The following VWA8 variants were observed in gnomAD, a reference collection of about 807,000 sequenced individuals.
VWA8 encodes von Willebrand factor A domain-containing protein 8.
Under a neutral mutation model 241.5 loss-of-function variants are expected in VWA8, and 221 were observed. The ratio of observed to expected loss-of-function variants is 0.91; its 90% CI spans 0.82 to 1.02. The LOEUF is 1.02. Ranked by LOEUF, VWA8 falls within the 50% of genes least tolerant of loss-of-function variation. The pLI, the probability that VWA8 is intolerant of heterozygous loss-of-function variation, is 0.00. For synonymous variants in VWA8, 852 were observed against 827.1 expected, an observed-to-expected ratio of 1.03 and a Z score of -0.52; for missense variants, 2,322 against 2,328.7, an observed-to-expected ratio of 1.00 and a Z score of 0.06.
intron 18 of VWA8, among the ~76,000 whole-genome samples, chr13:41,784,697 C>CATATATATAT (rs59582293): frequency 0.022 from 1,225 of 56,774 alleles, 27 homozygotes; most frequent in East Asian, 0.036. Context: ...TATACATATA[C>CATATATATAT]ATATATATAT....
At chr13:41,846,749 T>C (rs1369587863) in intron 12 of VWA8, among the ~76,000 whole-genome samples, 1 of 152,126 alleles carries the variant, frequency 6.6e-6, no homozygotes, top group Admixed American at 6.5e-5. Context: ...TAATCTAAAA[T>C]TTTCAGGCTA....
intron 2 of VWA8, among the ~76,000 whole-genome samples, chr13:41,915,123 T>A (rs561942532): frequency 6.6e-6 from 1 of 152,354 alleles, no homozygotes; most frequent in Admixed American, 6.5e-5. Context: ...ATTGAGGTTA[T>A]AGCCATAATA....
intron 21 of VWA8, among the ~76,000 whole-genome samples, chr13:41,741,230 C>G (rs144301024): frequency 6.6e-6 from 1 of 152,136 alleles, no homozygotes; most frequent in African/African-American, 2.4e-5. Flanking sequence ...GTAACCAGCA[C>G]GTAGTAGGAG....
At chr13:41,860,564 T>C (rs548049947) in intron 12 of VWA8, among the ~76,000 whole-genome samples, 1 of 152,354 alleles carries the variant, frequency 6.6e-6, no homozygotes, top group South Asian at 2.1e-4. Flanking sequence ...CCCACCCTTA[T>C]TCATCCATGC....
chr13:41,696,190 T>C (rs1043005035), intron 29 of VWA8: 4 of 152,188 alleles, frequency 2.6e-5, no homozygotes, highest in African/African-American at 9.6e-5. Flanking sequence ...AAACAATATC[T>C]GGATGTTTAT....
chr13:41,872,842 A>G (rs1172366537), intron 9 of VWA8, among the ~76,000 whole-genome samples: 2 of 152,152 alleles, frequency 1.3e-5, no homozygotes, highest in African/African-American at 4.8e-5. Context: ...AATTCTGTGA[A>G]GAAAGTCATT....
Position 41,749,366 on chromosome 13 carries a change from G to C in VWA8, c.2426+11762C>G, listed in dbSNP as rs2137890010. Among the ~76,000 whole-genome samples, 4 of 152,282 alleles carry C rather than the reference G, an allele frequency of 2.6e-5. No homozygotes were observed. The South Asian group carries it at 8.3e-4, about 32-fold the overall frequency. On this transcript the variant is annotated intron_variant, in intron 21 of 44. Transcript: ENST00000379310. ...AAAAGTCAGGAAACAATAGGGGCTGGAGAGGATGTGGAGAAATAGGAACAC... is the reference window on the plus strand; with the variant it reads ...AAAAGTCAGGAAACAATAGGGGCTGCAGAGGATGTGGAGAAATAGGAACAC...
At chr13:41,640,733 T>C (rs1333006886) in intron 37 of VWA8, among the ~76,000 whole-genome samples, 1 of 152,196 alleles carries the variant, frequency 6.6e-6, no homozygotes, top group East Asian at 1.9e-4. Flanking sequence ...AAACAGAACA[T>C]ACAATACATT....
At chr13:41,771,164 C>T (rs888040092) in intron 20 of VWA8, among the ~76,000 whole-genome samples, 4 of 152,100 alleles carry the variant, frequency 2.6e-5, no homozygotes, top group Non-Finnish European at 5.9e-5. Context: ...ACTCTATCGC[C>T]CAGGCTAGAG....
At chr13:41,800,166 ATC>A (rs1192835074) in intron 17 of VWA8, among the ~76,000 whole-genome samples, 1 of 152,190 alleles carries the variant, frequency 6.6e-6, no homozygotes, top group Non-Finnish European at 1.5e-5. Context: ...AACACACTTT[ATC>A]TGTTGAGCAG....
chr13:41,636,883 T>C (rs866605187), intron 37 of VWA8, among the ~76,000 whole-genome samples: 1 of 151,926 alleles, frequency 6.6e-6, no homozygotes, highest in Non-Finnish European at 1.5e-5. Context: ...TCACACCAGT[T>C]AGAATGGCAA....
intron 14 of VWA8, among the ~76,000 whole-genome samples, chr13:41,821,887 T>C (rs1308301929): frequency 1.3e-5 from 2 of 152,078 alleles, no homozygotes; most frequent in Non-Finnish European, 2.9e-5. Flanking sequence ...ACTTAAGCTA[T>C]GTGAAAGAAG....
rs989309457 is a variant in VWA8 at position 41,570,715 on chromosome 13, A to G, written c.5371-9T>C. 1 of 1,605,700 alleles carries G rather than the reference A, an allele frequency of 6.2e-7. No individual in the cohort carries two copies. Among genetic ancestry groups the G allele is most frequent in the Non-Finnish European group, 8.5e-7 (1 of 1,173,882 alleles). On this transcript the variant is annotated splice_polypyrimidine_tract_variant and intron_variant, in intron 43 of 44. Coordinates refer to ENST00000379310, the MANE Select transcript of VWA8 (RefSeq NM_015058.2). ...GAGTGGGCATGCATTGTCTGGAGGTAAAAGAAGTTGCACAAAAGCCATGGC... is the reference window on the plus strand; with the variant it reads ...GAGTGGGCATGCATTGTCTGGAGGTGAAAGAAGTTGCACAAAAGCCATGGC...
intron 1 of VWA8, among the ~76,000 whole-genome samples, chr13:41,953,867 C>G (rs1373971463): frequency 1.3e-5 from 2 of 152,124 alleles, no homozygotes; most frequent in Admixed American, 6.5e-5. Flanking sequence ...TGTTTTCTTA[C>G]CACAGTGGAA....
At chr13:41,830,431 A>C in intron 14 of VWA8, 98 bp downstream of exon 14, 1 of 1,010,316 alleles carries the variant, frequency 9.9e-7, no homozygotes, top group Non-Finnish European at 1.4e-6. Flanking sequence ...AATTGTTCAA[A>C]GTTATCTTGG....
chr13:41,707,995 T>C (rs1368640360), intron 26 of VWA8, among the ~76,000 whole-genome samples: 2 of 152,136 alleles, frequency 1.3e-5, no homozygotes, highest in Non-Finnish European at 2.9e-5. Context: ...AATTTTCACA[T>C]TAAAGACCTG....
chr13:41,651,887 C>T (rs372165111), intron 37 of VWA8, among the ~76,000 whole-genome samples: 3 of 152,288 alleles, frequency 2.0e-5, no homozygotes, highest in South Asian at 4.1e-4. Context: ...TCCTGCTCCA[C>T]CCTGGTGTGA....
intron 20 of VWA8, among the ~76,000 whole-genome samples, chr13:41,770,493 A>C (rs1279913553): frequency 1.3e-5 from 2 of 151,816 alleles, no homozygotes; most frequent in Non-Finnish European, 2.9e-5. Context: ...CTAGAACTAT[A>C]AAAGGAGTTT....
intron 43 of VWA8, among the ~76,000 whole-genome samples, chr13:41,573,486 A>AAAAATATATAT: frequency 8.8e-6 from 1 of 113,614 alleles, no homozygotes; most frequent in African/African-American, 3.4e-5. Context: ...AAAAAAAAAA[A>AAAAATATATAT]ATATATATAT....
Sources: gnomAD v4.1 joint callset for allele counts (sites outside exome capture counted in the v4.1 genomes callset) on GRCh38, gnomAD v4.1.1 for gene constraint, MANE v1.5 for transcripts, NCBI Gene and HGNC (gene_info 2026-07-23, HGNC 2026-07-21) for gene names.